Variants in COL5A1 observed in about 807,000 individuals in gnomAD.
The protein encoded by COL5A1 is collagen type V alpha 1 chain, also known as collagen alpha-1(V) chain.
In COL5A1, 16 loss-of-function variants were observed where a neutral mutation model predicts 263.7. That is an observed-to-expected ratio of 0.06 (90% CI 0.04 to 0.09). The LOEUF (loss-of-function observed/expected upper bound fraction) is 0.09, where lower values mean the gene tolerates loss of function less well. Among genes scored for constraint, COL5A1 ranks in the 10% least tolerant of loss-of-function variants. The pLI is 1.00. For missense variants in COL5A1, 2,036 were observed against 2,540.5 expected, an observed-to-expected ratio of 0.80 and a Z score of 4.27; for synonymous variants, 1,012 against 1,004.5, an observed-to-expected ratio of 1.01 and a Z score of -0.14.
chr9:134,822,028 AGCAGGGTTGCAGCCCCGCAGCTCCT>A, intron 58 of COL5A1, 44 bp from the exon 59 acceptor site: 6 of 1,370,828 alleles, frequency 4.4e-6, no homozygotes, highest in Non-Finnish European at 4.2e-6. Flanking sequence ...GTGGCTGGGT[AGCAGGGTTGCAGCCCCGCAGCTCCT>A]CCTCGTCTGA....
chr9:134,683,579 C>G (rs1013775207), intron 1 of COL5A1, among the ~76,000 whole-genome samples: 1 of 152,226 alleles, frequency 6.6e-6, no homozygotes, highest in Non-Finnish European at 1.5e-5. Flanking sequence ...TCCTCTTACA[C>G]CCTCTCCCAG....
Position 134,817,910 on chromosome 9 carries a change from G to C in COL5A1, c.4230+79G>C, listed in dbSNP as rs908271429. On this transcript the variant is annotated intron_variant, in intron 54 of 65. Transcript: ENST00000371817. ...CAGAGGGTGGGGAGTGGACAAGCGT[G>C]TGGGCAGAGATGTCCATGGAGGCTG... is the stretch of plus-strand genomic sequence containing the variant. 8.5e-6 allele frequency: 12 copies of C among 1,415,960 alleles called. No individual in the cohort carries two copies. In the East Asian group the frequency reaches 2.7e-4, roughly 32 times the overall value. The allele number at this position is 1,415,960 out of a possible 1,614,324, so 87.7% of individuals were successfully genotyped here. A position where few individuals can be genotyped will look rare whatever the true frequency, so the allele number is the denominator to read the frequency against.
Position 134,715,254 on chromosome 9 carries a change from A to G in COL5A1, c.655-12012A>G, listed in dbSNP as rs142176756. Among the ~76,000 whole-genome samples, 497 of 152,270 alleles carry G rather than the reference A, an allele frequency of 3.3e-3. 1 individual carries two copies. Among genetic ancestry groups the G allele is most frequent in the African/African-American group, 0.011 (475 of 41,530 alleles). On this transcript the variant is annotated intron_variant, in intron 4 of 65. Transcript: ENST00000371817. ...GTGCTGTGCTTTGATGTGCACATAC[A>G]TAAACGTATCTGGTGCATTAAAGAG...
chr9:134,840,206 T>C (rs977531662), intron 65 of COL5A1, among the ~76,000 whole-genome samples: 6 of 152,218 alleles, frequency 3.9e-5, no homozygotes, highest in Admixed American at 2.6e-4. Context: ...CCCTGAGAAC[T>C]CGCGTTCTCT....
At chr9:134,777,988 T>C (rs1255926021) in intron 27 of COL5A1, among the ~76,000 whole-genome samples, 1 of 152,208 alleles carries the variant, frequency 6.6e-6, no homozygotes, top group African/African-American at 2.4e-5. Context: ...GTTGCTCTTC[T>C]ATTTTGCAAG....
intron 18 of COL5A1, among the ~76,000 whole-genome samples, chr9:134,760,179 A>ACG (rs1588515041): frequency 2.4e-4 from 28 of 115,344 alleles, no homozygotes; most frequent in East Asian, 9.1e-4. Flanking sequence ...ATGCACACAC[A>ACG]CATACACCCC....
chr9:134,707,398 TA>T (rs894980580), intron 4 of COL5A1, among the ~76,000 whole-genome samples: 3 of 152,202 alleles, frequency 2.0e-5, no homozygotes, highest in African/African-American at 7.2e-5. Flanking sequence ...CCGAGCGGTT[TA>T]CCTAATCCCT....
rs1832853499 is a variant in COL5A1 at position 134,681,433 on chromosome 9, A to T, written c.110-9479A>T. Among the ~76,000 whole-genome samples the T allele has an allele frequency of 6.6e-6, 1 of 152,108 alleles. No homozygotes were observed. Among genetic ancestry groups the T allele is most frequent in the Admixed American group, 6.5e-5 (1 of 15,272 alleles). ...TCCTGCAGTTCACAGCCCGTGGAGG[A>T]GACACACGCTGCCCATGGAACACAC... On this transcript the variant is annotated intron_variant, in intron 1 of 65. Coordinates refer to ENST00000371817, the MANE Select transcript of COL5A1 (RefSeq NM_000093.5). The surrounding 1 kb of genome is among the most constrained non-coding windows in gnomAD (Gnocchi z 4.3).
chr9:134,804,122 T>C (rs975140198), intron 39 of COL5A1, among the ~76,000 whole-genome samples: 19 of 151,658 alleles, frequency 1.3e-4, no homozygotes, highest in African/African-American at 4.6e-4. Flanking sequence ...GTGAAGCAAA[T>C]GAAGAAATAC....
chr9:134,697,448 C>T (rs1458661151), intron 2 of COL5A1, among the ~76,000 whole-genome samples: 2 of 152,088 alleles, frequency 1.3e-5, no homozygotes, highest in African/African-American at 2.4e-5. Flanking sequence ...CATGAGTGTG[C>T]GCAACTCGTT....
intron 4 of COL5A1, among the ~76,000 whole-genome samples, chr9:134,706,002 A>G (rs995668817): frequency 1.1e-4 from 16 of 152,184 alleles, no homozygotes; most frequent in African/African-American, 3.9e-4. Context: ...GCCCCTCAGC[A>G]AGGTTTGGGT....
At chr9:134,768,328 G>T in intron 24 of COL5A1, 82 bp from the exon 25 acceptor site, 1 of 1,270,384 alleles carries the variant, frequency 7.9e-7, no homozygotes, top group South Asian at 1.2e-5. Flanking sequence ...CAGAAATGTT[G>T]AAAAGTAACC....
At chr9:134,748,731 A>T (rs1835667784) in intron 11 of COL5A1, among the ~76,000 whole-genome samples, 1 of 152,214 alleles carries the variant, frequency 6.6e-6, no homozygotes, top group African/African-American at 2.4e-5. Flanking sequence ...CACTGCTTTG[A>T]GGGACTTACC....
chr9:134,648,288 C>CTA lies in COL5A1; in HGVS notation c.109+6007_109+6008dup, dbSNP rs1022466235. The stretch of plus-strand genomic sequence containing the variant: ...GTGTAAGTCAGTACTTAATAAACTC[C>CTA]TATATATATATATATAATATATATA... On this transcript the variant is annotated intron_variant, in intron 1 of 65. Transcript: ENST00000371817. 2.8e-3 allele frequency among the ~76,000 whole-genome samples: 403 copies of CTA among 141,408 alleles called. 1 individual carries two copies. The highest frequency in any genetic ancestry group is 0.011 in the Middle Eastern group (3 of 278). The allele number at this position is 141,408 out of a possible 152,430, so 92.8% of individuals were successfully genotyped here. A position where few individuals can be genotyped will look rare whatever the true frequency, so the allele number is the denominator to read the frequency against.
chr9:134,754,308 C>T lies in COL5A1; in HGVS notation c.1809C>T (p.Ala603=), dbSNP rs371345820. ...PRGVQGPPGP[A]GKPGRRGRAG... is the part of the protein sequence containing the mutation. ...GTGTGCAAGGCCCGCCTGGTCCGGC[C>T]GGGAAGCCCGGAAGACGGGTGAGTG... Residue 603 remains alanine (A), a synonymous_variant, in exon 16 of 66, where the codon GCC becomes GCT. Transcript: ENST00000371817. The surrounding 1 kb of genome is among the most constrained non-coding windows in gnomAD (Gnocchi z 4.3). 201 of 1,614,066 alleles carry T rather than the reference C, an allele frequency of 1.2e-4. No individual in the cohort carries two copies. The highest frequency in any genetic ancestry group is 2.0e-4 in the African/African-American group (15 of 75,074).
Position 134,814,873 on chromosome 9 carries a change from C to A in COL5A1, c.3983C>A (p.Pro1328His). The change falls in exon 50 of 66, where the codon CCT becomes CAT. Residue 1328 changes from proline to histidine, a missense_variant. By Grantham distance (77) the Pro-to-His change is moderately conservative. Coordinates refer to ENST00000371817, the MANE Select transcript of COL5A1 (RefSeq NM_000093.5). ...GAAGPPGPKG[P>H]PGDDGPKGSP... ...GCCGGACCCCCTGGACCCAAAGGCC[C>A]TCCCGGAGATGATGGTCCCAAAGGC... The A allele has an allele frequency of 6.4e-7, 1 of 1,551,244 alleles. No individual in the cohort carries two copies. Among genetic ancestry groups the A allele is most frequent in the Non-Finnish European group, 8.7e-7 (1 of 1,147,028 alleles).
chr9:134,646,027 A>C, intron 1 of COL5A1, among the ~76,000 whole-genome samples: 1 of 145,114 alleles, frequency 6.9e-6, no homozygotes. Context: ...TTGTCCCTCC[A>C]TCCCTTCTCT....
Position 134,752,697 on chromosome 9 carries a change from T to A in COL5A1, c.1719+52T>A, listed in dbSNP as rs765930072. The A allele has an allele frequency of 1.5e-5, 21 of 1,418,158 alleles. No homozygotes were observed. The Admixed American group carries it at 3.2e-4, about 22-fold the overall frequency. The allele number at this position is 1,418,158 out of a possible 1,614,324, so 87.8% of individuals were successfully genotyped here. A position where few individuals can be genotyped will look rare whatever the true frequency, so the allele number is the denominator to read the frequency against. On this transcript the variant is annotated intron_variant, in intron 14 of 65. Transcript: ENST00000371817. ...GGGCGTGGTGTGGGGATTGGCCCAC[T>A]CCCTGTGTCGTTGGCGGACAGTGGC...
At chr9:134,663,904 G>A (rs975454779) in intron 1 of COL5A1, among the ~76,000 whole-genome samples, 3 of 152,162 alleles carry the variant, frequency 2.0e-5, no homozygotes, top group East Asian at 1.9e-4. Context: ...TTGCTGTGGC[G>A]GGTCACCAGA....
Sources: allele counts gnomAD v4.1 joint callset (sites outside exome capture counted in the v4.1 genomes callset), GRCh38; gene constraint gnomAD v4.1.1; non-coding constraint Gnocchi (gnomAD v3.1); transcripts MANE v1.5; gene names NCBI Gene and HGNC (gene_info 2026-07-23, HGNC 2026-07-21).